Variants in RUNX1T1 observed in about 807,000 individuals in gnomAD.
The protein encoded by RUNX1T1 is RUNX1 partner transcriptional co-repressor 1.
In RUNX1T1, 4 loss-of-function variants were observed where a neutral mutation model predicts 62.8. The ratio of observed to expected loss-of-function variants is 0.06; its 90% CI spans 0.03 to 0.15. The LOEUF is 0.15. Among genes scored for constraint, RUNX1T1 ranks in the 10% least tolerant of loss-of-function variants. The probability of loss-of-function intolerance (pLI) is 1.00; values close to 1 mark genes in which losing one functional copy is unlikely to be tolerated. For synonymous variants in RUNX1T1, 291 were observed against 286.0 expected, an observed-to-expected ratio of 1.02 and a Z score of -0.18; for missense variants, 508 against 754.3, an observed-to-expected ratio of 0.67 and a Z score of 3.82.
chr8:92,057,622 T>C (rs1251873673), intron 1 of RUNX1T1, among the ~76,000 whole-genome samples: 2 of 152,172 alleles, frequency 1.3e-5, no homozygotes, highest in East Asian at 1.9e-4. Flanking sequence ...TCTGATTCCT[T>C]TGATTGGAAC....
At chr8:91,995,648 A>T (rs1818515195) in intron 5 of RUNX1T1, among the ~76,000 whole-genome samples, 2 of 152,082 alleles carry the variant, frequency 1.3e-5, no homozygotes, top group Admixed American at 6.5e-5. Context: ...TTGGCTGGAC[A>T]TGGTGACATA....
downstream of RUNX1T1, chr8:91,955,883 A>AG (rs1809293292): frequency 4.4e-6 from 1 of 228,718 alleles, no homozygotes; most frequent in South Asian, 1.8e-4. Flanking sequence ...TAACTAGAGA[A>AG]TGAAAAAATA....
At chr8:92,030,779 A>G (rs1587144382) in intron 1 of RUNX1T1, among the ~76,000 whole-genome samples, 1 of 152,054 alleles carries the variant, frequency 6.6e-6, no homozygotes, top group South Asian at 2.1e-4. Context: ...TAGGAGTGCA[A>G]TGGAATTCTC....
At chr8:91,984,213 A>G (rs1194219263) in intron 8 of RUNX1T1, among the ~76,000 whole-genome samples, 3 of 152,174 alleles carry the variant, frequency 2.0e-5, no homozygotes, top group Admixed American at 2.0e-4. Flanking sequence ...TCTTTTGGTT[A>G]TGTAGCAGGG....
chr8:91,976,174 G>A (rs1399436362), intron 8 of RUNX1T1: 3 of 525,334 alleles, frequency 5.7e-6, no homozygotes, highest in South Asian at 2.5e-5. Flanking sequence ...AAAACAGAGG[G>A]TCATTGGTCT....
At chr8:91,955,103 A>G (rs771207871), downstream of RUNX1T1, 2 of 212,812 alleles carry the variant, frequency 9.4e-6, no homozygotes, top group Admixed American at 5.9e-5. Context: ...CGGGAGACAC[A>G]TACTTTTATA....
intron 4 of RUNX1T1, chr8:92,006,289 G>C (rs1297545751): frequency 6.6e-6 from 1 of 152,110 alleles, no homozygotes; most frequent in Non-Finnish European, 1.5e-5. Flanking sequence ...TTGGGGAGGG[G>C]CAGTAAGGGA....
At chr8:92,069,713 A>G (rs1016993844) in intron 2 of RUNX1T1, among the ~76,000 whole-genome samples, 15 of 152,198 alleles carry the variant, frequency 9.9e-5, no homozygotes, top group African/African-American at 3.4e-4. Flanking sequence ...ACAGGGTTTT[A>G]CCAGGCAAAA....
intron 4 of RUNX1T1, among the ~76,000 whole-genome samples, chr8:92,007,577 G>A (rs1821028908): frequency 6.6e-6 from 1 of 152,064 alleles, no homozygotes; most frequent in Non-Finnish European, 1.5e-5. Flanking sequence ...TCAAAAGCGG[G>A]TACTTAAACC....
chr8:92,019,847 C>CAT (rs398008772), intron 1 of RUNX1T1, among the ~76,000 whole-genome samples: 16 of 151,964 alleles, frequency 1.1e-4, no homozygotes, highest in African/African-American at 1.9e-4. Flanking sequence ...ACACTTGTAA[C>CAT]GACTCCTATC....
upstream of RUNX1T1, chr8:92,102,980 G>C (rs951448584): frequency 2.9e-6 from 4 of 1,359,614 alleles, no homozygotes; most frequent in Non-Finnish European, 3.9e-6. The surrounding 1 kb of genome is among the most constrained non-coding windows in gnomAD (Gnocchi z 4.5). Context: ...CCCTCGCGAG[G>C]CCAGAGTGTC....
chr8:92,070,042 C>T (rs937418106), intron 2 of RUNX1T1, among the ~76,000 whole-genome samples: 4 of 152,188 alleles, frequency 2.6e-5, no homozygotes, highest in South Asian at 4.1e-4. Flanking sequence ...TCTTGCATTT[C>T]AGTCCACACT....
intron 1 of RUNX1T1, among the ~76,000 whole-genome samples, chr8:92,031,119 T>C (rs753292664): frequency 1.6e-4 from 24 of 152,222 alleles, no homozygotes; most frequent in East Asian, 1.9e-4. Flanking sequence ...AGACTTCCTC[T>C]GGCTACAGTC....
chr8:92,095,504 G>C, intron 1 of RUNX1T1: 2 of 1,515,836 alleles, frequency 1.3e-6, no homozygotes, highest in Non-Finnish European at 1.8e-6. Flanking sequence ...GGAGGGAGAG[G>C]AGAGAAGCCA....
chr8:92,071,136 G>A (rs973991570), intron 2 of RUNX1T1: 1 of 152,230 alleles, frequency 6.6e-6, no homozygotes, highest in Non-Finnish European at 1.5e-5. Flanking sequence ...CTTCGTCAAA[G>A]AGTATGGCCC....
chr8:92,059,421 C>T (rs1178131011), intron 1 of RUNX1T1, among the ~76,000 whole-genome samples: 2 of 152,092 alleles, frequency 1.3e-5, no homozygotes, highest in Admixed American at 6.5e-5. Context: ...CACAAATCAT[C>T]GCTTGCAAGC....
intron 1 of RUNX1T1, among the ~76,000 whole-genome samples, chr8:92,028,075 A>AT (rs923704284): frequency 2.3e-5 from 1 of 43,190 alleles, no homozygotes; most frequent in African/African-American, 1.3e-4. Flanking sequence ...GATGGAATAA[A>AT]TGGGGGGGGG....
chr8:92,064,768 T>A (rs1335480478), upstream of RUNX1T1, among the ~76,000 whole-genome samples: 4 of 152,208 alleles, frequency 2.6e-5, no homozygotes. Context: ...CTGGATGATA[T>A]CCGGCTTTAA....
intron 1 of RUNX1T1, among the ~76,000 whole-genome samples, chr8:92,040,087 G>T (rs1456371982): frequency 6.6e-6 from 1 of 152,054 alleles, no homozygotes; most frequent in Non-Finnish European, 1.5e-5. Flanking sequence ...CTTTCTCACA[G>T]CATATGCTCC....
Sources: allele counts gnomAD v4.1 joint callset (sites outside exome capture counted in the v4.1 genomes callset), GRCh38; gene constraint gnomAD v4.1.1; non-coding constraint Gnocchi (gnomAD v3.1); transcripts MANE v1.5; gene names NCBI Gene and HGNC (gene_info 2026-07-23, HGNC 2026-07-21).